GLG1: variants seen among roughly 807,000 people sequenced by gnomAD.
GLG1 encodes the protein Golgi apparatus protein 1.
In GLG1, 38 loss-of-function variants were observed where a neutral mutation model predicts 160.5. The ratio of observed to expected loss-of-function variants is 0.24; its 90% CI spans 0.18 to 0.31. GLG1 has a LOEUF of 0.31. GLG1 is among the 10% of genes least tolerant of loss of function. The probability of loss-of-function intolerance (pLI) is 1.00; values close to 1 mark genes in which losing one functional copy is unlikely to be tolerated. For synonymous variants in GLG1, 644 were observed against 543.4 expected, an observed-to-expected ratio of 1.19 and a Z score of -2.57; for missense variants, 1,373 against 1,505.2, an observed-to-expected ratio of 0.91 and a Z score of 1.45.
chr16:74,563,935 A>C (rs998482515), intron 1 of GLG1, among the ~76,000 whole-genome samples: 1 of 152,016 alleles, frequency 6.6e-6, no homozygotes, highest in African/African-American at 2.4e-5. Context: ...TTTTATTTTT[A>C]TTCTTTGAGA....
rs2014304331 is a variant in GLG1, at chr16:74,451,545, A to C, written c.*1622T>G. On this transcript the variant is annotated 3_prime_UTR_variant, in exon 26 of 26. Coordinates refer to ENST00000422840, the MANE Select transcript of GLG1 (RefSeq NM_001145667.2). ...CGCTCCGGTCCTGCAGTGCACGTGG[A>C]CTGTGCAGAGCAGAGGCAAGAGTGG... The C allele has an allele frequency of 6.3e-6, 1 of 158,094 alleles. No individual in the cohort carries two copies. The highest frequency in any genetic ancestry group is 1.4e-5 in the Non-Finnish European group (1 of 71,374). The allele number at this position is 158,094 out of a possible 1,614,324, so 9.8% of individuals were successfully genotyped here.
intron 1 of GLG1, among the ~76,000 whole-genome samples, chr16:74,544,983 A>T (rs1256753492): frequency 6.6e-6 from 1 of 151,902 alleles, no homozygotes; most frequent in East Asian, 1.9e-4. Context: ...TAAGAAAAAA[A>T]TACAAAAGAA....
At chr16:74,560,776 TTTGA>T (rs1372710908) in intron 1 of GLG1, among the ~76,000 whole-genome samples, 9 of 150,796 alleles carry the variant, frequency 6.0e-5, no homozygotes, top group African/African-American at 1.7e-4. Flanking sequence ...AAGCCAGGAG[TTTGA>T]TTGAGACCAG....
At chr16:74,534,954 A>G (rs370207320) in intron 1 of GLG1, among the ~76,000 whole-genome samples, 28 of 152,210 alleles carry the variant, frequency 1.8e-4, no homozygotes, top group East Asian at 9.6e-4. Context: ...TTTAGGAGAT[A>G]CAATATGAGC....
chr16:74,519,972 T>C (rs2017107554), intron 2 of GLG1, among the ~76,000 whole-genome samples: 1 of 152,228 alleles, frequency 6.6e-6, no homozygotes. Context: ...TTATATATAC[T>C]GAGACACAGA....
At chr16:74,460,360 T>C (rs1410685894) in intron 22 of GLG1, among the ~76,000 whole-genome samples, 1 of 152,218 alleles carries the variant, frequency 6.6e-6, no homozygotes, top group African/African-American at 2.4e-5. Context: ...TTTCGCCATG[T>C]TGGCCAGGCT....
intron 3 of GLG1, among the ~76,000 whole-genome samples, chr16:74,506,581 C>CAAAAAAAAAAAAAAAAAAAAAAAA (rs56175030): frequency 2.6e-5 from 1 of 39,048 alleles, no homozygotes; most frequent in Admixed American, 5.2e-4. Context: ...GACTCCGTCT[C>CAAAAAAAAAAAAAAAAAAAAAAAA]AAAAAAAAAA....
Position 74,453,127 on chromosome 16 carries a change from G to A in GLG1, c.*40C>T, listed in dbSNP as rs750682525. The A allele has an allele frequency of 3.1e-6, 5 of 1,602,692 alleles. No homozygotes were observed. In the South Asian group the frequency reaches 5.6e-5, roughly 18 times the overall value. On this transcript the variant is annotated 3_prime_UTR_variant, in exon 26 of 26. Transcript: ENST00000422840. ...GCTATACAAGAGGGCTGTACAAACT[G>A]GGCACTGGATAGGTAGTTCCTTTGG... is the stretch of plus-strand genomic sequence containing the variant.
chr16:74,481,270 T>G (rs1458516953), intron 10 of GLG1, among the ~76,000 whole-genome samples: 3 of 152,222 alleles, frequency 2.0e-5, no homozygotes, highest in South Asian at 2.1e-4. Context: ...TTTATGAGAC[T>G]TGACATTTAA....
intron 1 of GLG1, among the ~76,000 whole-genome samples, chr16:74,556,717 G>A (rs890344536): frequency 1.3e-4 from 20 of 148,618 alleles, no homozygotes; most frequent in Admixed American, 2.0e-4. Flanking sequence ...ACATAATTTT[G>A]AGACAAGGTC....
At chr16:74,561,716 G>A (rs1421689483) in intron 1 of GLG1, among the ~76,000 whole-genome samples, 1 of 152,150 alleles carries the variant, frequency 6.6e-6, no homozygotes, top group Non-Finnish European at 1.5e-5. Flanking sequence ...CTGAATTGGA[G>A]ATACAAAATT....
intron 5 of GLG1, 99 bp from the exon 6 acceptor site, chr16:74,494,930 A>G (rs1397586171): frequency 1.5e-6 from 1 of 649,886 alleles, no homozygotes; most frequent in East Asian, 2.7e-5. Context: ...AACGATTATA[A>G]TCGTACATAC....
At chr16:74,487,748 C>A (rs1000860857) in intron 8 of GLG1, among the ~76,000 whole-genome samples, 1 of 152,142 alleles carries the variant, frequency 6.6e-6, no homozygotes, top group Non-Finnish European at 1.5e-5. Flanking sequence ...GACAGGCAAA[C>A]GTCAAGAAAC....
chr16:74,597,727 G>A (rs756355546), intron 1 of GLG1, among the ~76,000 whole-genome samples: 89 of 151,896 alleles, frequency 5.9e-4, no homozygotes, highest in Non-Finnish European at 9.0e-4. Flanking sequence ...GGTGGCGGGC[G>A]CCTGTAGTCC....
intron 20 of GLG1, 122 bp from the exon 21 acceptor site, chr16:74,462,752 C>T (rs1439416551): frequency 2.3e-6 from 2 of 883,780 alleles, no homozygotes; most frequent in Admixed American, 4.1e-5. Flanking sequence ...ATGGATTTAT[C>T]TATTCAATAA....
At chr16:74,579,269 T>C (rs1895040035) in intron 1 of GLG1, among the ~76,000 whole-genome samples, 1 of 151,566 alleles carries the variant, frequency 6.6e-6, no homozygotes, top group Non-Finnish European at 1.5e-5. Flanking sequence ...ATTAGCCAGG[T>C]GTGGTGGCAT....
intron 1 of GLG1, among the ~76,000 whole-genome samples, chr16:74,566,627 T>TC (rs397744453): frequency 2.6e-5 from 4 of 151,970 alleles, no homozygotes; most frequent in African/African-American, 9.7e-5. Flanking sequence ...TCTCTTTTTT[T>TC]CCCCTCCATG....
Position 74,452,196 on chromosome 16 carries a change from C to A in GLG1, c.*971G>T, listed in dbSNP as rs898738555. 6 of 1,564,488 alleles carry A rather than the reference C, an allele frequency of 3.8e-6. No homozygotes were observed. Among genetic ancestry groups the A allele is most frequent in the African/African-American group, 2.7e-5 (2 of 73,772 alleles). Reference sequence around the variant, plus strand: ...ACTTCCTGACCCACTGCTCCCCACACCCATCTTCAAGGACCCCTCCCGCCA... The same window carrying A: ...ACTTCCTGACCCACTGCTCCCCACAACCATCTTCAAGGACCCCTCCCGCCA... On this transcript the variant is annotated 3_prime_UTR_variant, in exon 26 of 26. Transcript: ENST00000422840.
Position 74,559,333 on chromosome 16 carries a change from C to T in GLG1, c.439-27180G>A, listed in dbSNP as rs144907367. Among the ~76,000 whole-genome samples the T allele has an allele frequency of 1.1e-4, 16 of 151,656 alleles. No homozygotes were observed. The East Asian group carries it at 1.2e-3, about 11-fold the overall frequency. ...TGGTGTGCAACTGTAATCCAAGCTA[C>T]TCAGGAGGCTGAGGGCAGGAGGATC... On this transcript the variant is annotated intron_variant, in intron 1 of 25. Coordinates refer to ENST00000422840, the MANE Select transcript of GLG1 (RefSeq NM_001145667.2).
Sources: gnomAD v4.1 joint callset for allele counts (sites outside exome capture counted in the v4.1 genomes callset) on GRCh38, gnomAD v4.1.1 for gene constraint, MANE v1.5 for transcripts, NCBI Gene and HGNC (gene_info 2026-07-23, HGNC 2026-07-21) for gene names.